The following TMLHE variants were observed in gnomAD, a reference collection of about 807,000 sequenced individuals.
TMLHE encodes the protein trimethyllysine hydroxylase, epsilon.
In TMLHE, 18 loss-of-function variants were observed where a neutral mutation model predicts 25.7. The ratio of observed to expected loss-of-function variants is 0.70; its 90% CI spans 0.48 to 1.04. The LOEUF is 1.04. Ranked by LOEUF, TMLHE falls within the 50% of genes least tolerant of loss-of-function variation. TMLHE has a pLI of 0.00. For missense variants in TMLHE, 236 were observed against 259.0 expected, an observed-to-expected ratio of 0.91 and a Z score of 0.61; for synonymous variants, 105 against 97.0, an observed-to-expected ratio of 1.08 and a Z score of -0.49.
chrX:155,547,808 T>C (rs2067362908), intron 1 of TMLHE, among the ~76,000 whole-genome samples: 1 of 111,462 alleles, frequency 9.0e-6, no homozygotes, highest in Non-Finnish European at 1.9e-5. Flanking sequence ...CCTCTTTCTT[T>C]CATTATTTAC....
intron 1 of TMLHE, among the ~76,000 whole-genome samples, chrX:155,591,653 C>T (rs1270840133): frequency 1.8e-5 from 2 of 111,608 alleles, no homozygotes; most frequent in East Asian, 5.6e-4. Flanking sequence ...TTATGGAACA[C>T]TTCACACCTA....
chrX:155,599,111 G>T (rs901867925), intron 1 of TMLHE, among the ~76,000 whole-genome samples: 1 of 111,598 alleles, frequency 9.0e-6, no homozygotes, highest in Non-Finnish European at 1.9e-5. Context: ...TATGTTATCA[G>T]TGAAGCTTCT....
intron 1 of TMLHE, among the ~76,000 whole-genome samples, chrX:155,551,518 C>T (rs1557340057): frequency 9.1e-6 from 1 of 109,781 alleles, no homozygotes; most frequent in African/African-American, 3.4e-5. Flanking sequence ...GTTCCTATTT[C>T]TCCACAGCCT....
At chrX:155,581,334 C>A (rs2067626740) in intron 1 of TMLHE, among the ~76,000 whole-genome samples, 2 of 111,265 alleles carry the variant, frequency 1.8e-5, no homozygotes, top group Admixed American at 9.6e-5. Context: ...GGCAATCAGG[C>A]AGGAGAAAGA....
chrX:155,588,348 A>C (rs1223226362), intron 1 of TMLHE, among the ~76,000 whole-genome samples: 1 of 112,284 alleles, frequency 8.9e-6, no homozygotes, highest in Non-Finnish European at 1.9e-5. Context: ...TAAAAAATTA[A>C]GTCAAGAAGG....
At chrX:155,550,293 T>C (rs1191438850) in intron 1 of TMLHE, among the ~76,000 whole-genome samples, 12 of 110,864 alleles carry the variant, frequency 1.1e-4, no homozygotes, top group African/African-American at 4.0e-4. Context: ...GTCGCAATCC[T>C]AATTTAACTT....
intron 1 of TMLHE, among the ~76,000 whole-genome samples, chrX:155,607,642 T>G (rs2067794570): frequency 9.0e-6 from 1 of 111,698 alleles, no homozygotes; most frequent in African/African-American, 3.3e-5. Flanking sequence ...GACAATATTA[T>G]TTTATACATA....
chrX:155,560,161 C>T (rs73247700), intron 1 of TMLHE, among the ~76,000 whole-genome samples: 1 of 112,168 alleles, frequency 8.9e-6, no homozygotes, highest in Non-Finnish European at 1.9e-5. Context: ...TATCTTGCCC[C>T]ACCCATGTCA....
intron 1 of TMLHE, among the ~76,000 whole-genome samples, chrX:155,588,396 T>C (rs1307526205): frequency 8.9e-6 from 1 of 111,804 alleles, no homozygotes; most frequent in Non-Finnish European, 1.9e-5. Flanking sequence ...GTTTAAGCAG[T>C]AGAACAAAAC....
chrX:155,596,883 C>A (rs1557346586), intron 1 of TMLHE, among the ~76,000 whole-genome samples: 1 of 108,475 alleles, frequency 9.2e-6, no homozygotes, highest in East Asian at 2.9e-4. Flanking sequence ...TTTTTAAATT[C>A]TATTATTATT....
intron 1 of TMLHE, among the ~76,000 whole-genome samples, chrX:155,560,276 C>T (rs1031953624): frequency 6.3e-5 from 7 of 110,309 alleles, no homozygotes; most frequent in African/African-American, 1.6e-4. Context: ...GAGAAACCTT[C>T]GCTGACACTC....
At chrX:155,548,492 T>C (rs1424481932) in intron 1 of TMLHE, among the ~76,000 whole-genome samples, 2 of 108,281 alleles carry the variant, frequency 1.8e-5, no homozygotes, top group African/African-American at 3.6e-5. Context: ...TCCCAGCACT[T>C]TGGGAGGTCA....
intron 3 of TMLHE, among the ~76,000 whole-genome samples, chrX:155,522,266 A>G (rs373848297): frequency 1.1e-4 from 12 of 111,690 alleles, no homozygotes; most frequent in African/African-American, 3.9e-4. Flanking sequence ...TGGAGATAAT[A>G]GATTCACAGG....
chrX:155,564,396 G>A lies in TMLHE; in HGVS notation c.-1-19119C>T, dbSNP rs1296635241. ...TGGAGGGTCATCAGACCATGGTACA[G>A]GTCCTATCCCTGTGGAAGACAGAAA... On this transcript the variant is annotated intron_variant, in intron 1 of 7. Transcript: ENST00000334398. Among the ~76,000 whole-genome samples the A allele has an allele frequency of 2.3e-4, 14 of 62,024 alleles. 2 individuals are homozygous for A. The highest frequency in any genetic ancestry group is 5.0e-4 in the African/African-American group (14 of 27,927). 53.9% of individuals were successfully genotyped at this position (62,024 alleles called of 115,157 possible).
chrX:155,550,736 T>C (rs2067409157), intron 1 of TMLHE, among the ~76,000 whole-genome samples: 2 of 110,476 alleles, frequency 1.8e-5, no homozygotes, highest in African/African-American at 6.7e-5. Context: ...GATGGCACAA[T>C]AGAGTGATGT....
intron 3 of TMLHE, among the ~76,000 whole-genome samples, chrX:155,523,027 G>C (rs1318473361): frequency 1.8e-5 from 2 of 111,053 alleles, no homozygotes; most frequent in Non-Finnish European, 3.8e-5. Flanking sequence ...TGTAGTCACT[G>C]TTTTTTAATG....
At chrX:155,529,624 C>A (rs992334604) in intron 2 of TMLHE, among the ~76,000 whole-genome samples, 2 of 111,353 alleles carry the variant, frequency 1.8e-5, no homozygotes. Context: ...TTTTCATATA[C>A]GTGTTGGTCA....
chrX:155,529,533 T>C (rs1174293176), intron 2 of TMLHE, among the ~76,000 whole-genome samples: 1 of 111,851 alleles, frequency 8.9e-6, no homozygotes, highest in African/African-American at 3.2e-5. Flanking sequence ...TTTTTGATAA[T>C]AGGTATTCTA....
intron 5 of TMLHE, among the ~76,000 whole-genome samples, chrX:155,507,522 TAAAC>T (rs1395395394): frequency 9.2e-6 from 1 of 108,918 alleles, no homozygotes; most frequent in African/African-American, 3.3e-5. Flanking sequence ...AGTGGGGTCA[TAAAC>T]AAAGGAATGA....
Sources: allele counts gnomAD v4.1 joint callset (sites outside exome capture counted in the v4.1 genomes callset), GRCh38; gene constraint gnomAD v4.1.1; transcripts MANE v1.5; gene names NCBI Gene and HGNC (gene_info 2026-07-23, HGNC 2026-07-21).